LRRC37A2: variants seen among roughly 807,000 people sequenced by gnomAD.
LRRC37A2 encodes the protein leucine-rich repeat-containing protein 37A2.
LRRC37A2 carries 9 observed loss-of-function variants against 68.8 expected under a neutral mutation model. That is an observed-to-expected ratio of 0.13 (90% CI 0.08 to 0.23). LRRC37A2 has a LOEUF of 0.23. LRRC37A2 is among the 10% of genes least tolerant of loss of function. The pLI, the probability that LRRC37A2 is intolerant of heterozygous loss-of-function variation, is 1.00. For missense variants in LRRC37A2, 168 were observed against 950.4 expected, an observed-to-expected ratio of 0.18 and a Z score of 10.82; for synonymous variants, 63 against 367.6, an observed-to-expected ratio of 0.17 and a Z score of 9.48.
chr17:46,791,320 TCTC>T, the LRRC37A2 span, among the ~76,000 whole-genome samples: 2 of 152,002 alleles, frequency 1.3e-5, no homozygotes, highest in African/African-American at 4.8e-5. Context: ...TTCAAGCGAT[TCTC>T]CTCCTGAGTA....
At chr17:46,839,959 TC>T in the LRRC37A2 span, among the ~76,000 whole-genome samples, 17 of 150,226 alleles carry the variant, frequency 1.1e-4, no homozygotes, top group Non-Finnish European at 2.2e-4. Flanking sequence ...TTTCTTTCTT[TC>T]TTTCTTTCTT....
At chr17:46,928,650 C>T in the LRRC37A2 span, among the ~76,000 whole-genome samples, 2 of 152,112 alleles carry the variant, frequency 1.3e-5, no homozygotes, top group Non-Finnish European at 1.5e-5. Flanking sequence ...TTGATATTGT[C>T]GGAGAAGGAT....
chr17:46,722,761 G>T, the LRRC37A2 span, among the ~76,000 whole-genome samples: 2 of 152,168 alleles, frequency 1.3e-5, no homozygotes, highest in East Asian at 3.8e-4. Flanking sequence ...AAGAAAAAGG[G>T]ATGTGTGTGT....
At chr17:46,857,271 C>T in the LRRC37A2 span, among the ~76,000 whole-genome samples, 1 of 151,978 alleles carries the variant, frequency 6.6e-6, no homozygotes, top group Non-Finnish European at 1.5e-5. Context: ...GAGTTCGAGA[C>T]CAGCCTGGCC....
chr17:46,711,659 G>A, the LRRC37A2 span, among the ~76,000 whole-genome samples: 2 of 152,152 alleles, frequency 1.3e-5, no homozygotes, highest in Non-Finnish European at 2.9e-5. Flanking sequence ...AGACAAAAGG[G>A]GAAGGACATT....
chr17:47,020,878 C>T, the LRRC37A2 span, among the ~76,000 whole-genome samples: 4 of 148,868 alleles, frequency 2.7e-5, no homozygotes, highest in Admixed American at 1.3e-4. Flanking sequence ...TAATGCAGAC[C>T]ATTGGTGCTA....
At chr17:46,877,548 C>A in the LRRC37A2 span, among the ~76,000 whole-genome samples, 10 of 152,106 alleles carry the variant, frequency 6.6e-5, no homozygotes, top group South Asian at 6.2e-4. Flanking sequence ...AGACAACGGC[C>A]CCTCCCTGTG....
At chr17:46,808,819 A>G in the LRRC37A2 span, among the ~76,000 whole-genome samples, 2 of 152,122 alleles carry the variant, frequency 1.3e-5, no homozygotes, top group Admixed American at 6.5e-5. Flanking sequence ...AAAGAAAAAG[A>G]AACCCAGGGG....
intron 6 of LRRC37A2, among the ~76,000 whole-genome samples, chr17:46,534,405 G>C (rs973488742): frequency 6.8e-6 from 1 of 147,162 alleles, no homozygotes; most frequent in African/African-American, 2.6e-5. Flanking sequence ...GACTCTTAAC[G>C]AGCATGCTGC....
At chr17:46,477,537 C>T in the LRRC37A2 span, among the ~76,000 whole-genome samples, 815 of 64,236 alleles carry the variant, frequency 0.013, 176 homozygotes, top group African/African-American at 0.038. Flanking sequence ...AGCGAGATTC[C>T]GTCTCCAAAA....
the LRRC37A2 span, among the ~76,000 whole-genome samples, chr17:46,785,030 G>T: frequency 1.3e-5 from 2 of 152,186 alleles, no homozygotes; most frequent in South Asian, 4.1e-4. Context: ...GCCCGCCTTG[G>T]CCTCCCAAAG....
chr17:46,839,992 T>C, the LRRC37A2 span, among the ~76,000 whole-genome samples: 342 of 117,714 alleles, frequency 2.9e-3, 1 homozygote, highest in African/African-American at 6.6e-3. Flanking sequence ...TTTCTTTCTT[T>C]TTTCTTTCTT....
chr17:46,962,923 A>G, the LRRC37A2 span, among the ~76,000 whole-genome samples: 20 of 152,254 alleles, frequency 1.3e-4, no homozygotes, highest in African/African-American at 4.8e-4. Context: ...TTCATCAATG[A>G]TGTGATTTAA....
chr17:46,958,396 G>A, the LRRC37A2 span, among the ~76,000 whole-genome samples: 1 of 152,324 alleles, frequency 6.6e-6, no homozygotes, highest in South Asian at 2.1e-4. Flanking sequence ...AAAGAAGACT[G>A]GGGGTGGGAA....
chr17:46,918,964 CTT>C, the LRRC37A2 span, among the ~76,000 whole-genome samples: 10 of 152,328 alleles, frequency 6.6e-5, no homozygotes, highest in East Asian at 5.8e-4. Context: ...TTGAATCTCT[CTT>C]GAGTCACCAA....
intron 6 of LRRC37A2, among the ~76,000 whole-genome samples, chr17:46,533,210 G>A (rs1362255079): frequency 3.0e-5 from 3 of 101,446 alleles, no homozygotes; most frequent in Non-Finnish European, 5.6e-5. Flanking sequence ...TTGAGGCCAG[G>A]AGTTTGAGAC....
chr17:47,020,477 C>T, the LRRC37A2 span, among the ~76,000 whole-genome samples: 5 of 150,942 alleles, frequency 3.3e-5, no homozygotes, highest in South Asian at 2.1e-4. Flanking sequence ...CTCCAGAACA[C>T]GAAAATGATA....
At chr17:46,755,992 C>A in the LRRC37A2 span, 1 of 620,880 alleles carries the variant, frequency 1.6e-6, no homozygotes. Context: ...CTTATGCATA[C>A]TGAGATAGCT....
chr17:46,872,432 AGCCCCTGAGGAG>A, the LRRC37A2 span: 2 of 1,395,894 alleles, frequency 1.4e-6, no homozygotes, highest in Non-Finnish European at 1.9e-6. Context: ...CAGTAAATGA[AGCCCCTGAGGAG>A]GCCCCTTCCC....
Sources: allele counts gnomAD v4.1 joint callset (sites outside exome capture counted in the v4.1 genomes callset), GRCh38; gene constraint gnomAD v4.1.1; transcripts MANE v1.5; gene names NCBI Gene and HGNC (gene_info 2026-07-23, HGNC 2026-07-21).